Variants in MYOM2 observed in about 807,000 individuals in gnomAD.
MYOM2 encodes myomesin-2.
In MYOM2, 254 loss-of-function variants were observed where a neutral mutation model predicts 187.6. That is an observed-to-expected ratio of 1.35 (90% CI 1.22 to 1.50). The LOEUF (loss-of-function observed/expected upper bound fraction) is 1.50. MYOM2 is among the 40% of genes most tolerant of loss of function. The pLI is 0.00. For synonymous variants in MYOM2, 981 were observed against 753.8 expected, an observed-to-expected ratio of 1.30 and a Z score of -4.94; for missense variants, 2,796 against 1,924.0, an observed-to-expected ratio of 1.45 and a Z score of -8.48.
chr8:2,126,074 T>G (rs1022640197), intron 31 of MYOM2, among the ~76,000 whole-genome samples: 1 of 152,214 alleles, frequency 6.6e-6, no homozygotes, highest in South Asian at 2.1e-4. Context: ...CAAGGGCCAC[T>G]CATGGATAAT....
Position 2,142,762 on chromosome 8 carries a change from C to CT in MYOM2, c.4024+378dup, listed in dbSNP as rs776743885. On this transcript the variant is annotated intron_variant, in intron 35 of 36. Coordinates refer to ENST00000262113, the MANE Select transcript of MYOM2 (RefSeq NM_003970.4). ...CCTTCCTCCCCTCCCTCCCTTTATT[C>CT]TTTTTTTTTTTTTGACAGAGTCTTG... Among the ~76,000 whole-genome samples, 822 of 112,850 alleles carry CT rather than the reference C, an allele frequency of 7.3e-3. 11 individuals are homozygous for CT. Among genetic ancestry groups the CT allele is most frequent in the African/African-American group, 0.023 (730 of 31,410 alleles). The allele number at this position is 112,850 out of a possible 152,430, so 74.0% of individuals were successfully genotyped here. A position where few individuals can be genotyped will look rare whatever the true frequency, so the allele number is the denominator to read the frequency against.
chr8:2,081,115 T>C (rs552034212), intron 13 of MYOM2, among the ~76,000 whole-genome samples: 43 of 118,632 alleles, frequency 3.6e-4, no homozygotes, highest in African/African-American at 1.3e-3. Flanking sequence ...TAGAATGAGG[T>C]TGGTTCTGGC....
chr8:2,129,192 A>G lies in MYOM2; in HGVS notation c.3760A>G (p.Lys1254Glu). 6.2e-7 allele frequency: 1 copy of G among 1,612,244 alleles called. No individual in the cohort carries two copies. Among genetic ancestry groups the G allele is most frequent in the Non-Finnish European group, 8.5e-7 (1 of 1,178,326 alleles). Reference protein sequence around the residue: ...PEGIRLQCFMKYFTDEMKVNW... With the variant: ...PEGIRLQCFMEYFTDEMKVNW... ...AGGAATACGACTTCAGTGTTTCATG[A>G]AGTATTTTACAGACGAAATGAAAGT... Residue 1254 changes from lysine (K) to glutamate (E), a missense_variant, in exon 32 of 37, where the codon AAG becomes GAG. Transcript: ENST00000262113.
At chr8:2,091,688 C>T (rs988171715) in intron 15 of MYOM2, among the ~76,000 whole-genome samples, 5 of 152,232 alleles carry the variant, frequency 3.3e-5, no homozygotes, top group African/African-American at 9.6e-5. Context: ...TCTTAGAACT[C>T]ATACCCAGAA....
At chr8:2,132,438 G>C (rs1235996740) in intron 32 of MYOM2, among the ~76,000 whole-genome samples, 1 of 152,196 alleles carries the variant, frequency 6.6e-6, no homozygotes, top group African/African-American at 2.4e-5. Context: ...CAGTAAAAAT[G>C]TTCTTAAGAG....
In MYOM2 at chr8:2,078,883, T is replaced by G; in HGVS notation, c.1412T>G (p.Val471Gly). 6.2e-7 allele frequency: 1 copy of G among 1,613,990 alleles called. No homozygotes were observed. The highest frequency in any genetic ancestry group is 8.5e-7 in the Non-Finnish European group (1 of 1,179,908). ...NSAGISRPSR[V>G]SDAVAALDPL... ...GCGGGCATCAGCCGACCCTCCAGGG[T>G]CTCTGATGCGGTGGCTGCACTTGAC... The change falls in exon 12 of 37, where the codon GTC becomes GGC. Residue 471 changes from valine (V) to glycine (G), a missense_variant. Transcript: ENST00000262113.
In MYOM2 at chr8:2,106,580, T is replaced by C. The variant is rs1176990447; in HGVS notation, c.2981T>C (p.Phe994Ser). 2 of 1,606,832 alleles carry C rather than the reference T, an allele frequency of 1.2e-6. No homozygotes were observed. The highest frequency in any genetic ancestry group is 2.2e-5 in the South Asian group (2 of 90,860). ...GATACAGACGGAGTGTCCTCCAGTT[T>C]TGTTCTGGACCCAGAAGGTAATATT... ...VSDTDGVSSS[F>S]VLDPEELERL... The change falls in exon 23 of 37, where the codon TTT (phenylalanine) becomes TCT (serine). Residue 994 changes from phenylalanine to serine, a missense_variant. Coordinates refer to ENST00000262113, the MANE Select transcript of MYOM2 (RefSeq NM_003970.4).
At chr8:2,121,288 G>T (rs1797445827) in intron 28 of MYOM2, among the ~76,000 whole-genome samples, 1 of 152,136 alleles carries the variant, frequency 6.6e-6, no homozygotes, top group African/African-American at 2.4e-5. Context: ...TCTTTTTGTT[G>T]TTGTTGGTAT....
intron 23 of MYOM2, among the ~76,000 whole-genome samples, chr8:2,107,290 C>T (rs915954838): frequency 1.3e-5 from 2 of 152,122 alleles, no homozygotes; most frequent in Admixed American, 1.3e-4. Context: ...GCAGCGTGAA[C>T]TCGTAGGGCT....
At position 2,085,493 on chromosome 8, in the gene MYOM2, T is replaced by C. The variant is rs78476555; in HGVS notation, c.1644+103T>C. 7.7e-3 allele frequency: 8,847 copies of C among 1,148,652 alleles called. 623 individuals carry two copies. The highest frequency in any genetic ancestry group is 0.026 in the African/African-American group (957 of 36,314). The allele number at this position is 1,148,652 out of a possible 1,614,324, so 71.2% of individuals were successfully genotyped here. ...GCTGTCGTGATCTCCGCGTGGCCCC[T>C]CACTGTTGTGATCTCCGCGTGGCCC... is the stretch of plus-strand genomic sequence containing the variant. On this transcript the variant is annotated intron_variant, in intron 14 of 36. Coordinates refer to ENST00000262113, the MANE Select transcript of MYOM2 (RefSeq NM_003970.4).
Position 2,052,322 on chromosome 8 carries a change from A to G in MYOM2, c.263+9A>G, listed in dbSNP as rs754871045. 5 of 1,590,544 alleles carry G rather than the reference A, an allele frequency of 3.1e-6. No homozygotes were observed. Among genetic ancestry groups the G allele is most frequent in the African/African-American group, 2.7e-5 (2 of 74,186 alleles). On this transcript the variant is annotated intron_variant, in intron 3 of 36. Transcript: ENST00000262113. ...CAGGAGAACAGAAGCAGGTGAGCAC[A>G]TGGCTTCCCTGACTCCACTTGTGCC...
chr8:2,120,675 T>TATATATA (rs1220891042), intron 28 of MYOM2, among the ~76,000 whole-genome samples: 41 of 41,414 alleles, frequency 9.9e-4, no homozygotes, highest in South Asian at 7.8e-3. Context: ...TATATATATA[T>TATATATA]TATATTATAT....
chr8:2,144,992 C>A lies in MYOM2; in HGVS notation c.*11C>A. 1 of 1,612,222 alleles carries A rather than the reference C, an allele frequency of 6.2e-7. No homozygotes were observed. The highest frequency in any genetic ancestry group is 8.5e-7 in the Non-Finnish European group (1 of 1,179,524). On this transcript the variant is annotated 3_prime_UTR_variant, in exon 37 of 37. Transcript: ENST00000262113. ...GCGGCAGGCCAGTGAAGGCGTTTTC[C>A]TAGCCTGGAGATGGGAAAATATGCT...
chr8:2,115,924 T>G, intron 25 of MYOM2, 36 bp from the exon 26 acceptor site: 8 of 1,599,422 alleles, frequency 5.0e-6, no homozygotes, highest in Non-Finnish European at 6.8e-6. Context: ...AGAGATTTCC[T>G]TGTATAATTC....
chr8:2,131,342 C>T (rs1797858816), intron 32 of MYOM2, among the ~76,000 whole-genome samples: 2 of 152,098 alleles, frequency 1.3e-5, no homozygotes, highest in South Asian at 2.1e-4. Flanking sequence ...GTCATTTTGT[C>T]AGTCACGCCC....
intron 36 of MYOM2, among the ~76,000 whole-genome samples, chr8:2,143,664 C>T (rs985173235): frequency 6.6e-6 from 1 of 152,142 alleles, no homozygotes; most frequent in East Asian, 1.9e-4. Flanking sequence ...AATCACATAA[C>T]ATTCCGAATC....
intron 32 of MYOM2, 108 bp from the exon 33 acceptor site, chr8:2,140,615 A>G: frequency 6.5e-6 from 7 of 1,083,928 alleles, no homozygotes; most frequent in Non-Finnish European, 9.2e-6. Flanking sequence ...TGACATTGGC[A>G]TCAGCAGCTT....
intron 25 of MYOM2, among the ~76,000 whole-genome samples, chr8:2,110,988 G>A (rs1199277606): frequency 6.6e-5 from 10 of 152,210 alleles, no homozygotes; most frequent in Admixed American, 3.9e-4. Context: ...AAAAGCCAGT[G>A]GTATAACTAT....
chr8:2,047,767 G>C (rs751866166), intron 1 of MYOM2, among the ~76,000 whole-genome samples: 2 of 152,236 alleles, frequency 1.3e-5, no homozygotes, highest in Non-Finnish European at 2.9e-5. Flanking sequence ...TACCATTGGA[G>C]TGAGGATTGC....
Sources: gnomAD v4.1 joint callset for allele counts (sites outside exome capture counted in the v4.1 genomes callset) on GRCh38, gnomAD v4.1.1 for gene constraint, MANE v1.5 for transcripts, NCBI Gene and HGNC (gene_info 2026-07-23, HGNC 2026-07-21) for gene names.